PIK3CB: variants seen among roughly 807,000 people sequenced by gnomAD.
The protein encoded by PIK3CB is phosphatidylinositol-4,5-bisphosphate 3-kinase catalytic subunit beta.
In PIK3CB, 39 loss-of-function variants were observed where a neutral mutation model predicts 136.8. The observed-to-expected ratio is 0.29, with a 90% CI of 0.22 to 0.37. PIK3CB has a LOEUF of 0.37. Among genes scored for constraint, PIK3CB ranks in the 10% least tolerant of loss-of-function variants. PIK3CB has a pLI of 1.00. For synonymous variants in PIK3CB, 428 were observed against 436.6 expected, an observed-to-expected ratio of 0.98 and a Z score of 0.25; for missense variants, 868 against 1,275.4, an observed-to-expected ratio of 0.68 and a Z score of 4.87.
At chr3:138,676,760 G>T (rs1475133806) in intron 19 of PIK3CB, among the ~76,000 whole-genome samples, 1 of 152,070 alleles carries the variant, frequency 6.6e-6, no homozygotes, top group Non-Finnish European at 1.5e-5. Context: ...GCCCCATATT[G>T]TGTTTCCATT....
intron 2 of PIK3CB, among the ~76,000 whole-genome samples, chr3:138,767,955 C>A (rs745592741): frequency 1.1e-4 from 17 of 152,330 alleles, no homozygotes; most frequent in Non-Finnish European, 1.5e-4. Flanking sequence ...CATGTTTCAG[C>A]CCTGTTTGTG....
At chr3:138,672,414 T>C (rs1008455253) in intron 19 of PIK3CB, among the ~76,000 whole-genome samples, 2 of 152,210 alleles carry the variant, frequency 1.3e-5, no homozygotes, top group African/African-American at 4.8e-5. Flanking sequence ...TACAGGCCTT[T>C]GGCAACAGCT....
intron 5 of PIK3CB, 110 bp from the exon 6 acceptor site, chr3:138,737,996 T>C (rs563624969): frequency 1.7e-6 from 1 of 581,796 alleles, no homozygotes; most frequent in African/African-American, 1.9e-5. Context: ...AATATTTATA[T>C]GGGTACATCC....
intron 21 of PIK3CB, among the ~76,000 whole-genome samples, chr3:138,659,208 C>T (rs1011843501): frequency 5.3e-5 from 8 of 152,322 alleles, no homozygotes; most frequent in Middle Eastern, 6.8e-3. Flanking sequence ...TAACAAATGT[C>T]CCCTGAGTGA....
rs1022038685 is a variant in PIK3CB at position 138,831,535 on chromosome 3, A to G, written c.-122+3160T>C. On this transcript the variant is annotated intron_variant, in intron 1 of 23. Coordinates refer to ENST00000674063, the MANE Select transcript of PIK3CB (RefSeq NM_006219.3). ...GGGGAGGCGGAGGTTGCAGTGAGCC[A>G]AGATTGCACATTGCACTCCAGCCTG... is the stretch of plus-strand genomic sequence containing the variant. 4.6e-5 allele frequency among the ~76,000 whole-genome samples: 7 copies of G among 152,170 alleles called. No homozygotes were observed. In the South Asian group the frequency reaches 1.5e-3, roughly 32 times the overall value.
intron 2 of PIK3CB, among the ~76,000 whole-genome samples, chr3:138,771,395 G>C (rs1009697218): frequency 2.0e-5 from 3 of 151,840 alleles, no homozygotes; most frequent in African/African-American, 7.3e-5. Context: ...GCTATTTTTT[G>C]TATTTAGTAG....
chr3:138,662,137 T>C (rs2043308166), intron 21 of PIK3CB, among the ~76,000 whole-genome samples: 1 of 151,342 alleles, frequency 6.6e-6, no homozygotes, highest in African/African-American at 2.4e-5. Context: ...TTATTTTAAG[T>C]TTTAGGGTAC....
intron 1 of PIK3CB, among the ~76,000 whole-genome samples, chr3:138,818,416 A>G (rs1360517999): frequency 6.6e-6 from 1 of 152,158 alleles, no homozygotes; most frequent in East Asian, 1.9e-4. Flanking sequence ...AAGTTCCCCT[A>G]ACTTCCTTTT....
At chr3:138,676,373 T>C (rs1489080747) in intron 19 of PIK3CB, among the ~76,000 whole-genome samples, 1 of 152,216 alleles carries the variant, frequency 6.6e-6, no homozygotes, top group Non-Finnish European at 1.5e-5. Context: ...CTGGTTGGAA[T>C]GTAAAATGAT....
At chr3:138,728,515 C>T (rs569032224) in intron 8 of PIK3CB, among the ~76,000 whole-genome samples, 122 of 152,194 alleles carry the variant, frequency 8.0e-4, no homozygotes, top group South Asian at 1.7e-3. Context: ...CAGTGGCTCA[C>T]GCCTGTAATC....
intron 8 of PIK3CB, among the ~76,000 whole-genome samples, chr3:138,715,686 C>T (rs2044592122): frequency 6.6e-6 from 1 of 151,644 alleles, no homozygotes; most frequent in Admixed American, 6.6e-5. Context: ...TATATTCAAA[C>T]AGTAATATAA....
chr3:138,719,235 A>ATTTT (rs34980826), intron 8 of PIK3CB, among the ~76,000 whole-genome samples: 3 of 69,620 alleles, frequency 4.3e-5, no homozygotes, highest in South Asian at 6.3e-4. Flanking sequence ...TTAGCTCAGT[A>ATTTT]TTTTTTTTTT....
chr3:138,790,932 C>G (rs1036087918), intron 2 of PIK3CB, among the ~76,000 whole-genome samples: 1 of 151,782 alleles, frequency 6.6e-6, no homozygotes, highest in Non-Finnish European at 1.5e-5. Context: ...CACTGCACTC[C>G]AGCCTGGGCA....
chr3:138,711,886 A>T (rs960825798), intron 10 of PIK3CB, among the ~76,000 whole-genome samples: 1 of 151,910 alleles, frequency 6.6e-6, no homozygotes, highest in African/African-American at 2.4e-5. Flanking sequence ...CTTTGGGAGG[A>T]TCACTTGAGG....
chr3:138,783,926 A>G (rs577909707), intron 2 of PIK3CB, among the ~76,000 whole-genome samples: 6 of 152,340 alleles, frequency 3.9e-5, no homozygotes, highest in Admixed American at 2.0e-4. Flanking sequence ...AATAACCCAT[A>G]AACATATGGG....
chr3:138,771,678 T>G (rs2045802125), intron 2 of PIK3CB, among the ~76,000 whole-genome samples: 1 of 152,150 alleles, frequency 6.6e-6, no homozygotes, highest in Non-Finnish European at 1.5e-5. Context: ...TCCTCTCAAA[T>G]CAAAGATGGC....
chr3:138,783,483 C>T (rs992635410), intron 2 of PIK3CB, among the ~76,000 whole-genome samples: 30 of 152,100 alleles, frequency 2.0e-4, no homozygotes, highest in African/African-American at 6.5e-4. Flanking sequence ...CACTATGTTG[C>T]GCAGGCTGGT....
intron 1 of PIK3CB, among the ~76,000 whole-genome samples, chr3:138,798,808 C>T (rs1232907285): frequency 1.3e-5 from 2 of 151,996 alleles, no homozygotes; most frequent in Non-Finnish European, 2.9e-5. Context: ...AAGTCATCAA[C>T]CCAAGATCTC....
At chr3:138,692,939 T>C (rs1328419613) in intron 14 of PIK3CB, among the ~76,000 whole-genome samples, 1 of 152,122 alleles carries the variant, frequency 6.6e-6, no homozygotes, top group Non-Finnish European at 1.5e-5. Flanking sequence ...TAGGGAAATG[T>C]GGAGAAACTT....
Sources: allele counts gnomAD v4.1 joint callset (sites outside exome capture counted in the v4.1 genomes callset), GRCh38; gene constraint gnomAD v4.1.1; transcripts MANE v1.5; gene names NCBI Gene and HGNC (gene_info 2026-07-23, HGNC 2026-07-21).